GIN1: variants seen among roughly 807,000 people sequenced by gnomAD.
GIN1 encodes gypsy retrotransposon integrase-like protein 1.
GIN1 carries 41 observed loss-of-function variants against 51.4 expected under a neutral mutation model. The ratio of observed to expected loss-of-function variants is 0.80; its 90% CI spans 0.62 to 1.04. GIN1 has a LOEUF of 1.04. Ranked by LOEUF, GIN1 falls within the 50% of genes least tolerant of loss-of-function variation. The pLI is 0.00. For synonymous variants in GIN1, 222 were observed against 206.5 expected (o/e 1.07, Z -0.64); for missense variants, 610 against 612.4 (o/e 1.00, Z 0.04).
rs782014083 is a variant in GIN1 at position 103,096,851 on chromosome 5, C to G, written c.1009-25G>C. ...TCTACAAGTGTAAAAAGAAAAAGAACAAAGAGATGAAAGAGCTATAATATC... is the reference window on the plus strand; with the variant it reads ...TCTACAAGTGTAAAAAGAAAAAGAAGAAAGAGATGAAAGAGCTATAATATC... On this transcript the variant is annotated intron_variant, in intron 6 of 7. Coordinates refer to ENST00000399004, the MANE Select transcript of GIN1 (RefSeq NM_017676.2). The G allele has an allele frequency of 4.8e-6, 7 of 1,444,746 alleles. No individual in the cohort carries two copies. In the African/African-American group the frequency reaches 8.4e-5, roughly 17 times the overall value. The allele number at this position is 1,444,746 out of a possible 1,614,324, so 89.5% of individuals were successfully genotyped here.
chr5:103,109,277 T>C (rs1437172177), intron 1 of GIN1, among the ~76,000 whole-genome samples: 1 of 152,082 alleles, frequency 6.6e-6, no homozygotes, highest in Admixed American at 6.6e-5. Flanking sequence ...CATTAAATTT[T>C]CTTTAAAATC....
rs1031516770 is a variant in GIN1, at chr5:103,106,644, T to C, written c.333+72A>G. 5.5e-6 allele frequency: 5 copies of C among 909,354 alleles called. No individual in the cohort carries two copies. In the Middle Eastern group the frequency reaches 9.3e-4, roughly 170 times the overall value. 56.3% of individuals were successfully genotyped at this position (909,354 alleles called of 1,614,324 possible). A position where few individuals can be genotyped will look rare whatever the true frequency, so the allele number is the denominator to read the frequency against. On this transcript the variant is annotated intron_variant, in intron 3 of 7. Coordinates refer to ENST00000399004, the MANE Select transcript of GIN1 (RefSeq NM_017676.2). ...TGAGAGGTGATACCCAGAATAAATC[T>C]GGAGAAATAATAAATTTTAAGTATC... is the stretch of plus-strand genomic sequence containing the variant.
chr5:103,112,860 T>C (rs1787925148), intron 1 of GIN1, among the ~76,000 whole-genome samples: 2 of 152,146 alleles, frequency 1.3e-5, no homozygotes, highest in African/African-American at 4.8e-5. Context: ...ATGATACTAA[T>C]ACAAAGTTAA....
intron 7 of GIN1, among the ~76,000 whole-genome samples, chr5:103,094,892 G>C (rs1259527880): frequency 6.6e-6 from 1 of 152,182 alleles, no homozygotes; most frequent in Non-Finnish European, 1.5e-5. Flanking sequence ...TGAGTTTTCA[G>C]GATTAGAATG....
intron 1 of GIN1, among the ~76,000 whole-genome samples, chr5:103,115,806 G>A (rs149170689): frequency 1.8e-4 from 27 of 152,200 alleles, no homozygotes; most frequent in African/African-American, 5.5e-4. Context: ...AAAGACCACT[G>A]AAAACAAAGG....
rs1554195234 is a variant in GIN1, at chr5:103,097,444, G to A, written c.878C>T (p.Pro293Leu). 2 of 1,579,386 alleles carry A rather than the reference G, an allele frequency of 1.3e-6. No homozygotes were observed. The highest frequency in any genetic ancestry group is 1.7e-5 in the Admixed American group (1 of 59,020). Reference sequence around the variant, plus strand: ...ACTATCTGAAGTCTCAGGCATATAAGGATTTCGACTAAACATTTGAAAATA... The same window carrying A: ...ACTATCTGAAGTCTCAGGCATATAAAGATTTCGACTAAACATTTGAAAATA... ...TPYFQMFSRN[P>L]YMPETSDSLH... The change falls in exon 6 of 8, where the codon CCT becomes CTT. Residue 293 changes from proline (P) to leucine (L), a missense_variant. Transcript: ENST00000399004.
chr5:103,105,394 C>T (rs1410528348), intron 3 of GIN1, among the ~76,000 whole-genome samples: 1 of 152,092 alleles, frequency 6.6e-6, no homozygotes, highest in African/African-American at 2.4e-5. Flanking sequence ...TTAAAAAGAT[C>T]TTAAGTTTCC....
intron 1 of GIN1, among the ~76,000 whole-genome samples, chr5:103,115,030 A>C (rs1366855672): frequency 6.6e-6 from 1 of 152,174 alleles, no homozygotes; most frequent in Non-Finnish European, 1.5e-5. Context: ...GTGGATTTAG[A>C]AACTTGGGCT....
chr5:103,094,786 T>C (rs1357817432), intron 7 of GIN1, among the ~76,000 whole-genome samples: 1 of 152,208 alleles, frequency 6.6e-6, no homozygotes, highest in Non-Finnish European at 1.5e-5. Flanking sequence ...CTACTTAACT[T>C]GCAGAAGAGA....
At chr5:103,093,725 T>G (rs572400208) in intron 7 of GIN1, among the ~76,000 whole-genome samples, 4 of 151,928 alleles carry the variant, frequency 2.6e-5, no homozygotes, top group Admixed American at 2.6e-4. Context: ...TTCAAAACTG[T>G]GCAAAATCTA....
intron 7 of GIN1, among the ~76,000 whole-genome samples, chr5:103,089,934 C>T (rs1787190474): frequency 6.6e-6 from 1 of 152,024 alleles, no homozygotes; most frequent in African/African-American, 2.4e-5. Context: ...CATAAGTGGG[C>T]TTGGGCTTGT....
chr5:103,108,621 C>T lies in GIN1; in HGVS notation c.87G>A (p.Leu29=). Residue 29 remains leucine (L), a synonymous_variant, in exon 2 of 8, where the codon CTG becomes CTA. Transcript: ENST00000399004. The part of the protein sequence containing the change: ...KRTGEYHSTT[L]PSERSGIRRA... ...TTCTTATGCCACTTCTCTCACTTGG[C>T]AGTGTAGTTGAATGATATTCACCAG... is the stretch of plus-strand genomic sequence containing the variant. 6.2e-7 allele frequency: 1 copy of T among 1,605,102 alleles called. No homozygotes were observed. Among genetic ancestry groups the T allele is most frequent in the Non-Finnish European group, 8.5e-7 (1 of 1,173,280 alleles).
chr5:103,091,966 A>T (rs1439093105), intron 7 of GIN1, among the ~76,000 whole-genome samples: 3 of 151,898 alleles, frequency 2.0e-5, no homozygotes, highest in African/African-American at 7.3e-5. Flanking sequence ...CGGAGGTTGC[A>T]GGCAGCCAAG....
At chr5:103,089,630 T>C (rs1397557483) in intron 7 of GIN1, among the ~76,000 whole-genome samples, 1 of 152,088 alleles carries the variant, frequency 6.6e-6, no homozygotes, top group Non-Finnish European at 1.5e-5. Context: ...CTAATTGTGT[T>C]GCCTAGGTTG....
intron 2 of GIN1, 32 bp from the exon 3 acceptor site, chr5:103,106,941 C>G: frequency 1.7e-6 from 2 of 1,192,312 alleles, no homozygotes; most frequent in Non-Finnish European, 1.2e-6. Flanking sequence ...GATAGAATTG[C>G]AATTTTTAGA....
At chr5:103,117,190 A>C (rs1747557152) in intron 1 of GIN1, among the ~76,000 whole-genome samples, 1 of 152,058 alleles carries the variant, frequency 6.6e-6, no homozygotes, top group East Asian at 1.9e-4. Context: ...CACATACTGG[A>C]ATACTATTAA....
chr5:103,088,408 C>T (rs1562322997), intron 7 of GIN1, among the ~76,000 whole-genome samples: 2 of 152,238 alleles, frequency 1.3e-5, no homozygotes, highest in Non-Finnish European at 2.9e-5. Context: ...TTAAAACAGC[C>T]ATTTTCCTGT....
intron 4 of GIN1, 125 bp from the exon 5 acceptor site, chr5:103,097,906 G>A (rs55807386): frequency 0.099 from 56,117 of 569,620 alleles, 3,457 homozygotes; most frequent in Non-Finnish European, 0.13. Flanking sequence ...TTTTTGAGAT[G>A]GAGTCTTGCT....
At chr5:103,090,564 A>G (rs1297544809) in intron 7 of GIN1, among the ~76,000 whole-genome samples, 6 of 152,202 alleles carry the variant, frequency 3.9e-5, no homozygotes, top group Non-Finnish European at 7.3e-5. Flanking sequence ...GTACATTCCT[A>G]CAAAGTTATC....
Sources: allele counts gnomAD v4.1 joint callset (sites outside exome capture counted in the v4.1 genomes callset), GRCh38; gene constraint gnomAD v4.1.1; transcripts MANE v1.5; gene names NCBI Gene and HGNC (gene_info 2026-07-23, HGNC 2026-07-21).